Variants in SH3KBP1 observed in about 807,000 individuals in gnomAD.
SH3KBP1 encodes the protein SH3 domain-containing kinase-binding protein 1.
Under a neutral mutation model 50.1 loss-of-function variants are expected in SH3KBP1, and 8 were observed. The ratio of observed to expected loss-of-function variants is 0.16; its 90% CI spans 0.09 to 0.29. The LOEUF is 0.29. Among genes scored for constraint, SH3KBP1 ranks in the 10% least tolerant of loss-of-function variants. The pLI is 1.00. For synonymous variants in SH3KBP1, 227 were observed against 218.6 expected (o/e 1.04, Z -0.34); for missense variants, 377 against 535.2 (o/e 0.70, Z 2.92).
At chrX:19,788,286 C>CAAAAAAAAAAAAAAAAAAAAAAAA in intron 2 of SH3KBP1, among the ~76,000 whole-genome samples, 1 of 65,721 alleles carries the variant, frequency 1.5e-5, no homozygotes, top group African/African-American at 5.6e-5. Context: ...AAAAAAAAAA[C>CAAAAAAAAAAAAAAAAAAAAAAAA]AAAAAAAAAA....
chrX:19,793,313 A>AAAATATATATATATATAT (rs1418807395), intron 2 of SH3KBP1, among the ~76,000 whole-genome samples: 2 of 96,983 alleles, frequency 2.1e-5, no homozygotes, highest in African/African-American at 7.8e-5. Context: ...AGGAAAAAAA[A>AAAATATATATATATATAT]ATATATATAT....
chrX:19,560,989 G>C (rs1200577237), intron 13 of SH3KBP1, among the ~76,000 whole-genome samples: 2 of 105,674 alleles, frequency 1.9e-5, no homozygotes, highest in Non-Finnish European at 3.9e-5. Flanking sequence ...TAGGAGGACT[G>C]CTTGAGCCTG....
intron 1 of SH3KBP1, among the ~76,000 whole-genome samples, chrX:19,844,790 G>A (rs1231599262): frequency 8.9e-6 from 1 of 112,296 alleles, no homozygotes; most frequent in Non-Finnish European, 1.9e-5. Flanking sequence ...TTAAGAATAT[G>A]CATTAGAGGC....
rs1204905090 is a variant in SH3KBP1 at position 19,695,672 on chromosome X, C to A, written c.460G>T (p.Glu154Ter). 8.3e-7 allele frequency: 1 copy of A among 1,209,442 alleles called. No individual in the cohort carries two copies. The highest frequency in any genetic ancestry group is 2.2e-5 in the Admixed American group (1 of 45,789). ...AGCTCATCCGACTCCCCTGACAGCT[C>A]CTTGATGAAGTTGGAAGGAAACATT... ...TGMFPSNFIKELSGESDELGI... is the reference protein window; with the variant it reads ...TGMFPSNFIK Residue 154 changes from glutamate to a stop codon, truncating the protein, a stop_gained, in exon 5 of 18, where the codon GAG becomes TAG. Coordinates refer to ENST00000397821, the MANE Select transcript of SH3KBP1 (RefSeq NM_031892.3). LOFTEE classifies it high-confidence loss of function.
intron 2 of SH3KBP1, chrX:19,747,526 G>A: frequency 3.5e-6 from 1 of 288,412 alleles, no homozygotes; most frequent in Non-Finnish European, 7.1e-6. Flanking sequence ...CCCGCTGGAA[G>A]GAACAGAGAT....
At chrX:19,731,873 T>C (rs923008239) in intron 3 of SH3KBP1, among the ~76,000 whole-genome samples, 5 of 111,881 alleles carry the variant, frequency 4.5e-5, no homozygotes, top group Non-Finnish European at 9.4e-5. Flanking sequence ...AGAATAAAAA[T>C]GCATTAATAG....
intron 2 of SH3KBP1, among the ~76,000 whole-genome samples, chrX:19,798,664 T>C (rs1224458652): frequency 2.7e-5 from 3 of 111,902 alleles, no homozygotes; most frequent in African/African-American, 6.5e-5. Flanking sequence ...TGGGGCTACA[T>C]ACTTAAGCAA....
At chrX:19,584,139 T>C (rs1355627341) in intron 12 of SH3KBP1, among the ~76,000 whole-genome samples, 1 of 94,131 alleles carries the variant, frequency 1.1e-5, no homozygotes, top group African/African-American at 3.9e-5. Flanking sequence ...ATATTAATAA[T>C]ATATATTTAT....
At chrX:19,755,284 G>A (rs993258027) in intron 2 of SH3KBP1, among the ~76,000 whole-genome samples, 4 of 112,025 alleles carry the variant, frequency 3.6e-5, no homozygotes, top group Non-Finnish European at 5.6e-5. Context: ...CAGGAGCATC[G>A]CTTGAACCCA....
At chrX:19,717,915 G>T (rs2063952218) in intron 3 of SH3KBP1, among the ~76,000 whole-genome samples, 1 of 111,209 alleles carries the variant, frequency 9.0e-6, no homozygotes, top group South Asian at 3.7e-4. Context: ...AGTAGGCAAA[G>T]ATATATGTAT....
chrX:19,724,927 C>A (rs778096050), intron 3 of SH3KBP1, among the ~76,000 whole-genome samples: 1 of 111,333 alleles, frequency 9.0e-6, no homozygotes, highest in Non-Finnish European at 1.9e-5. Flanking sequence ...ACCCTGCCCA[C>A]GCTGCCTGGG....
intron 9 of SH3KBP1, among the ~76,000 whole-genome samples, chrX:19,604,006 T>C (rs10127144): frequency 0.28 from 30,579 of 110,552 alleles, 3,814 homozygotes; most frequent in African/African-American, 0.48. Flanking sequence ...AATAACACTA[T>C]CTTTCAAAAT....
chrX:19,540,920 C>CTT (rs771269101), intron 16 of SH3KBP1, among the ~76,000 whole-genome samples: 1 of 103,947 alleles, frequency 9.6e-6, no homozygotes, highest in Admixed American at 1.0e-4. Context: ...TGCCTCCCTA[C>CTT]TTTTTTTTTT....
intron 2 of SH3KBP1, among the ~76,000 whole-genome samples, chrX:19,826,692 T>A (rs756389226): frequency 2.8e-5 from 2 of 71,644 alleles, no homozygotes; most frequent in Admixed American, 1.4e-4. Flanking sequence ...CTAAATAACA[T>A]AACATAACAT....
intron 3 of SH3KBP1, among the ~76,000 whole-genome samples, chrX:19,723,531 T>A (rs2064134399): frequency 8.9e-6 from 1 of 112,211 alleles, no homozygotes; most frequent in African/African-American, 3.2e-5. Context: ...TTGACATCTT[T>A]ATGATCAAAT....
chrX:19,703,182 C>T (rs964190377), intron 4 of SH3KBP1, among the ~76,000 whole-genome samples: 20 of 112,295 alleles, frequency 1.8e-4, no homozygotes, highest in African/African-American at 4.9e-4. Context: ...GACTAAGGGT[C>T]AAGGTTGTTT....
chrX:19,871,813 T>G (rs1470333159), intron 1 of SH3KBP1, among the ~76,000 whole-genome samples: 2 of 111,157 alleles, frequency 1.8e-5, no homozygotes, highest in Non-Finnish European at 3.8e-5. Context: ...AAGGGGATTA[T>G]TACAGCCACG....
intron 2 of SH3KBP1, among the ~76,000 whole-genome samples, chrX:19,797,511 T>C (rs775774451): frequency 9.0e-6 from 1 of 111,324 alleles, no homozygotes; most frequent in Non-Finnish European, 1.9e-5. Flanking sequence ...GAAAAGAAAG[T>C]GGATTTCAAT....
chrX:19,698,376 CT>C (rs1237681817), intron 4 of SH3KBP1, among the ~76,000 whole-genome samples: 1 of 112,084 alleles, frequency 8.9e-6, no homozygotes, highest in Non-Finnish European at 1.9e-5. Flanking sequence ...GGAAGCCTTC[CT>C]GATGTGTAGG....
Sources: gnomAD v4.1 joint callset for allele counts (sites outside exome capture counted in the v4.1 genomes callset) on GRCh38, gnomAD v4.1.1 for gene constraint, MANE v1.5 for transcripts, NCBI Gene and HGNC (gene_info 2026-07-23, HGNC 2026-07-21) for gene names.